The following LRRC3B variants were observed in gnomAD, a reference collection of about 807,000 sequenced individuals.
The protein encoded by LRRC3B is leucine rich repeat containing 3B, also known as leucine-rich repeat-containing protein 3B.
Under a neutral mutation model 12.8 loss-of-function variants are expected in LRRC3B, and 2 were observed. The observed-to-expected ratio is 0.16, with a 90% confidence interval of 0.06 to 0.49. The LOEUF (loss-of-function observed/expected upper bound fraction) is 0.49. Among genes scored for constraint, LRRC3B ranks in the 20% least tolerant of loss-of-function variants. The pLI is 0.96. For missense variants in LRRC3B, 189 were observed against 319.4 expected (o/e 0.59, Z 3.11); for synonymous variants, 132 against 122.0 (o/e 1.08, Z -0.54).
chr3:26,648,869 A>G (rs912045992), intron 1 of LRRC3B, among the ~76,000 whole-genome samples: 4 of 152,322 alleles, frequency 2.6e-5, no homozygotes, highest in Admixed American at 1.3e-4. Context: ...AATAAAGACA[A>G]TGAGTATACT....
chr3:26,704,295 T>TTTGA (rs1700529514), intron 1 of LRRC3B, among the ~76,000 whole-genome samples: 1 of 152,186 alleles, frequency 6.6e-6, no homozygotes, highest in African/African-American at 2.4e-5. Flanking sequence ...ATTTTAAATT[T>TTTGA]TTGATAGATA....
At chr3:26,637,548 G>A (rs1698929647) in intron 1 of LRRC3B, among the ~76,000 whole-genome samples, 1 of 152,264 alleles carries the variant, frequency 6.6e-6, no homozygotes, top group East Asian at 1.9e-4. Flanking sequence ...GACACATTGT[G>A]TCCAGGGCTA....
chr3:26,622,850 C>G (rs1450442318), exon 1 of LRRC3B: 1 of 152,284 alleles, frequency 6.6e-6, no homozygotes, highest in Non-Finnish European at 1.5e-5. Flanking sequence ...CGCTTTGCCT[C>G]TCTCCTGTCT....
intron 1 of LRRC3B, among the ~76,000 whole-genome samples, chr3:26,685,098 C>G (rs931988933): frequency 4.6e-5 from 7 of 152,032 alleles, no homozygotes; most frequent in Non-Finnish European, 8.8e-5. Flanking sequence ...GGATTATGGG[C>G]GTGTGCCACC....
intron 1 of LRRC3B, among the ~76,000 whole-genome samples, chr3:26,706,950 T>A (rs778045471): frequency 4.6e-5 from 7 of 152,184 alleles, no homozygotes; most frequent in Admixed American, 1.3e-4. Flanking sequence ...TATAACATAT[T>A]TATTTAGTCC....
At chr3:26,698,134 G>T (rs1700365281) in intron 1 of LRRC3B, among the ~76,000 whole-genome samples, 1 of 152,182 alleles carries the variant, frequency 6.6e-6, no homozygotes, top group African/African-American at 2.4e-5. Flanking sequence ...TGGTGGTGGT[G>T]GTGGTGGCAG....
intron 1 of LRRC3B, among the ~76,000 whole-genome samples, chr3:26,630,928 A>C (rs1310069569): frequency 6.6e-6 from 1 of 152,152 alleles, no homozygotes; most frequent in Non-Finnish European, 1.5e-5. Flanking sequence ...GGCAAATGGT[A>C]ATACAGCTGC....
chr3:26,688,216 C>T (rs1370604354), intron 1 of LRRC3B, among the ~76,000 whole-genome samples: 4 of 152,122 alleles, frequency 2.6e-5, no homozygotes, highest in Non-Finnish European at 4.4e-5. Flanking sequence ...AATATCTAGG[C>T]ATCCATATTT....
At chr3:26,687,273 A>G (rs1700106732) in intron 1 of LRRC3B, among the ~76,000 whole-genome samples, 1 of 152,198 alleles carries the variant, frequency 6.6e-6, no homozygotes, top group Non-Finnish European at 1.5e-5. Context: ...GGATTTTGAT[A>G]CAGCCTTTGC....
At chr3:26,629,933 G>T (rs1469257117) in intron 1 of LRRC3B, among the ~76,000 whole-genome samples, 1 of 148,440 alleles carries the variant, frequency 6.7e-6, no homozygotes, top group Non-Finnish European at 1.5e-5. Flanking sequence ...GGTGGGAAAG[G>T]TGGGGGCAGG....
intron 1 of LRRC3B, among the ~76,000 whole-genome samples, chr3:26,688,580 A>G (rs1159452452): frequency 6.6e-6 from 1 of 152,200 alleles, no homozygotes; most frequent in Non-Finnish European, 1.5e-5. Flanking sequence ...GGAATCAGGC[A>G]TATCTTACAT....
intron 1 of LRRC3B, among the ~76,000 whole-genome samples, chr3:26,656,414 G>C (rs74488726): frequency 1.3e-5 from 2 of 152,122 alleles, no homozygotes; most frequent in African/African-American, 4.8e-5. Context: ...GTTGACTCTA[G>C]CTCTATTATT....
chr3:26,671,413 G>GAGAGACACAC (rs9331540), intron 1 of LRRC3B, among the ~76,000 whole-genome samples: 1 of 99,388 alleles, frequency 1.0e-5, no homozygotes, highest in Non-Finnish European at 1.9e-5. Flanking sequence ...GAGAGAGAGA[G>GAGAGACACAC]ACGAAGTCTT....
chr3:26,707,199 GAAAA>G (rs34703302), intron 1 of LRRC3B, among the ~76,000 whole-genome samples: 12 of 129,988 alleles, frequency 9.2e-5, no homozygotes, highest in African/African-American at 1.2e-4. Flanking sequence ...TAAAAATACA[GAAAA>G]AAAAAAAAAA....
intron 1 of LRRC3B, chr3:26,701,369 T>G (rs993084729): frequency 1.3e-5 from 2 of 152,122 alleles, no homozygotes; most frequent in African/African-American, 4.8e-5. Flanking sequence ...CTCTCTCTCC[T>G]GAGACTTTCA....
At chr3:26,675,104 A>G (rs1304830981) in intron 1 of LRRC3B, among the ~76,000 whole-genome samples, 2 of 152,162 alleles carry the variant, frequency 1.3e-5, no homozygotes, top group African/African-American at 4.8e-5. Context: ...CTTTAGTAGT[A>G]TGTCTTCCCG....
Position 26,646,598 on chromosome 3 carries a change from TA to T in LRRC3B, c.-161+23399del, listed in dbSNP as rs529066996. 2.7e-3 allele frequency among the ~76,000 whole-genome samples: 267 copies of T among 99,642 alleles called. 5 individuals are homozygous for T. Among genetic ancestry groups the T allele is most frequent in the East Asian group, 0.014 (36 of 2,628 alleles). The allele number at this position is 99,642 out of a possible 152,430, so 65.4% of individuals were successfully genotyped here. ...CCCAGAGGCCACTAAGGATAGGAGGTAAAAAAAAAAAAAAAAAAAAAAAAAA... is the reference window on the plus strand; with the variant it reads ...CCCAGAGGCCACTAAGGATAGGAGGTAAAAAAAAAAAAAAAAAAAAAAAAA... On this transcript the variant is annotated intron_variant, in intron 1 of 1. Coordinates refer to ENST00000396641, the Ensembl canonical transcript of LRRC3B.
intron 1 of LRRC3B, among the ~76,000 whole-genome samples, chr3:26,702,862 G>A (rs978266562): frequency 6.6e-6 from 1 of 152,060 alleles, no homozygotes; most frequent in Non-Finnish European, 1.5e-5. Flanking sequence ...AAATCGGGAG[G>A]GAAGACAGGG....
intron 1 of LRRC3B, among the ~76,000 whole-genome samples, chr3:26,668,909 T>C (rs976331168): frequency 6.6e-6 from 1 of 152,164 alleles, no homozygotes; most frequent in African/African-American, 2.4e-5. Flanking sequence ...GAGAAAGGGT[T>C]CAGTAGTTCC....
Sources: allele counts gnomAD v4.1 joint callset (sites outside exome capture counted in the v4.1 genomes callset), GRCh38; gene constraint gnomAD v4.1.1; transcripts MANE v1.5; gene names NCBI Gene and HGNC (gene_info 2026-07-23, HGNC 2026-07-21).